The following FAM193A variants were observed in gnomAD, a reference collection of about 807,000 sequenced individuals.
FAM193A encodes protein FAM193A.
A neutral mutation model predicts 126.5 loss-of-function variants in FAM193A; 22 were observed. That is an observed-to-expected ratio of 0.17 (90% CI 0.12 to 0.25). FAM193A has a LOEUF of 0.25. FAM193A is among the 10% of genes least tolerant of loss of function. The pLI, the probability that FAM193A is intolerant of heterozygous loss-of-function variation, is 1.00. For missense variants in FAM193A, 1,675 were observed against 1,672.8 expected (o/e 1.00, Z -0.02); for synonymous variants, 761 against 646.8 (o/e 1.18, Z -2.68).
chr4:2,641,460 C>T (rs1208650384), intron 6 of FAM193A, among the ~76,000 whole-genome samples: 1 of 151,762 alleles, frequency 6.6e-6, no homozygotes, highest in Non-Finnish European at 1.5e-5. Flanking sequence ...TCAAGACCAT[C>T]CTGGCTAACA....
chr4:2,553,948 A>G (rs188398695), intron 1 of FAM193A, among the ~76,000 whole-genome samples: 2 of 152,080 alleles, frequency 1.3e-5, no homozygotes, highest in Admixed American at 6.5e-5. Context: ...TTTGCCTTCC[A>G]CCGTGATTGT....
intron 13 of FAM193A, among the ~76,000 whole-genome samples, chr4:2,684,114 A>T (rs1715458176): frequency 6.6e-6 from 1 of 152,150 alleles, no homozygotes. Flanking sequence ...TTCCTGTATG[A>T]TAATTGCCAT....
chr4:2,575,549 C>G (rs148129736), intron 1 of FAM193A, among the ~76,000 whole-genome samples: 2 of 150,376 alleles, frequency 1.3e-5, no homozygotes, highest in South Asian at 2.1e-4. Flanking sequence ...TCGCTGCAAC[C>G]TCTGCTTCCC....
chr4:2,652,511 T>C (rs531325653), intron 7 of FAM193A, among the ~76,000 whole-genome samples: 4 of 152,042 alleles, frequency 2.6e-5, no homozygotes, highest in Admixed American at 6.6e-5. Context: ...CTTACAATCA[T>C]GGTGGAAGGT....
intron 12 of FAM193A, among the ~76,000 whole-genome samples, chr4:2,667,244 C>T (rs1462391911): frequency 6.6e-6 from 1 of 152,212 alleles, no homozygotes; most frequent in Admixed American, 6.5e-5. Flanking sequence ...CATGTAAGGA[C>T]AGTAACCCCA....
chr4:2,597,712 GTC>G (rs1228560153), intron 2 of FAM193A, among the ~76,000 whole-genome samples: 2 of 152,126 alleles, frequency 1.3e-5, no homozygotes, highest in Non-Finnish European at 2.9e-5. Flanking sequence ...TGCTTTGTAG[GTC>G]AGCCTCTTTG....
At chr4:2,630,479 C>G (rs1743450778) in intron 4 of FAM193A, among the ~76,000 whole-genome samples, 1 of 152,176 alleles carries the variant, frequency 6.6e-6, no homozygotes, top group South Asian at 2.1e-4. Flanking sequence ...GGGATCAGTG[C>G]TTTTTACTTG....
chr4:2,602,759 C>G (rs1230912437), intron 2 of FAM193A, among the ~76,000 whole-genome samples: 1 of 151,544 alleles, frequency 6.6e-6, no homozygotes, highest in African/African-American at 2.4e-5. Context: ...CTCCCGGGTT[C>G]ACACCATTCT....
Position 2,700,253 on chromosome 4 carries a change from A to G in FAM193A, c.4081A>G (p.Thr1361Ala). Reference sequence around the variant, plus strand: ...GAGGCCCACAGAGCCCCCCAAGGCCACAGAGGGGCAGTCCAAGCCCCGGGC... The same window carrying G: ...GAGGCCCACAGAGCCCCCCAAGGCCGCAGAGGGGCAGTCCAAGCCCCGGGC... ...ARRPTEPPKA[T>A]EGQSKPRAQT... Residue 1361 changes from threonine (T) to alanine (A), a missense_variant, in exon 19 of 21, where the codon ACA becomes GCA. By Grantham distance (58) the Thr-to-Ala change is moderately conservative. Coordinates refer to ENST00000637812, the MANE Select transcript of FAM193A (RefSeq NM_001366318.2). The G allele has an allele frequency of 6.2e-7, 1 of 1,614,084 alleles. No homozygotes were observed. Among genetic ancestry groups the G allele is most frequent in the African/African-American group, 1.3e-5 (1 of 75,050 alleles).
Position 2,690,882 on chromosome 4 carries a change from A to G in FAM193A, c.2715A>G (p.Ser905=), listed in dbSNP as rs893375516. The G allele has an allele frequency of 3.1e-6, 5 of 1,614,186 alleles. No individual in the cohort carries two copies. The highest frequency in any genetic ancestry group is 4.2e-6 in the Non-Finnish European group (5 of 1,179,994). ...ATAAAGTTGTCATGGCCACGTCATCAGCCACGTCCTCTGTGTCCTGCACAG... is the reference window on the plus strand; with the variant it reads ...ATAAAGTTGTCATGGCCACGTCATCGGCCACGTCCTCTGTGTCCTGCACAG... The part of the protein sequence containing the change: ...EANKVVMATS[S]ATSSVSCTAT... Residue 905 remains serine (S), a synonymous_variant, in exon 15 of 21, where the codon TCA becomes TCG. Transcript: ENST00000637812.
intron 2 of FAM193A, among the ~76,000 whole-genome samples, chr4:2,623,050 C>A (rs1742650066): frequency 1.3e-5 from 2 of 152,094 alleles, no homozygotes; most frequent in African/African-American, 2.4e-5. Context: ...ACTCTGCCCC[C>A]CTTCCCTCAT....
chr4:2,701,245 C>T (rs147405846), intron 19 of FAM193A, among the ~76,000 whole-genome samples: 35 of 150,470 alleles, frequency 2.3e-4, no homozygotes, highest in African/African-American at 8.6e-4. Flanking sequence ...GTAGACCTTA[C>T]TCATGTTTCT....
At chr4:2,701,004 A>G (rs868083639) in intron 19 of FAM193A, among the ~76,000 whole-genome samples, 20 of 152,092 alleles carry the variant, frequency 1.3e-4, no homozygotes, top group African/African-American at 4.6e-4. Flanking sequence ...TACCCCCTCC[A>G]GTTCCCCAAC....
intron 12 of FAM193A, among the ~76,000 whole-genome samples, chr4:2,668,195 C>T (rs1343576788): frequency 1.3e-5 from 2 of 151,734 alleles, no homozygotes; most frequent in East Asian, 3.9e-4. Context: ...AACCAGTGTA[C>T]CCAGCCACAA....
chr4:2,638,506 C>T (rs1486725151), intron 5 of FAM193A, among the ~76,000 whole-genome samples: 1 of 152,108 alleles, frequency 6.6e-6, no homozygotes, highest in Non-Finnish European at 1.5e-5. Flanking sequence ...CTGGGAGGCA[C>T]TGGTGAAAAC....
At chr4:2,624,437 C>T (rs957316038) in intron 2 of FAM193A, among the ~76,000 whole-genome samples, 1 of 152,212 alleles carries the variant, frequency 6.6e-6, no homozygotes, top group Admixed American at 6.5e-5. Context: ...AGCCACTGCC[C>T]CCGGCCAAGT....
intron 19 of FAM193A, among the ~76,000 whole-genome samples, chr4:2,706,399 C>T (rs985954391): frequency 6.8e-6 from 1 of 146,036 alleles, no homozygotes; most frequent in African/African-American, 2.5e-5. Flanking sequence ...TGGGTTCAAG[C>T]GATTCTCCTG....
rs755288455 is a variant in FAM193A, at chr4:2,663,248, G to T, written c.2039G>T (p.Ser680Ile). 1 of 1,612,618 alleles carries T rather than the reference G, an allele frequency of 6.2e-7. No homozygotes were observed. Among genetic ancestry groups the T allele is most frequent in the Admixed American group, 1.7e-5 (1 of 59,682 alleles). ...AGCAGGAGCCCCAGGACAGAGGAGA[G>T]CAAAGCAGACAGTCCACCCCCATCC... ...LGSRSPRTEE[S>I]KADSPPPSYP... The change falls in exon 12 of 21, where the codon AGC (serine) becomes ATC (isoleucine). Residue 680 changes from serine to isoleucine, a missense_variant. Transcript: ENST00000637812.
intron 1 of FAM193A, among the ~76,000 whole-genome samples, chr4:2,582,882 T>C (rs1372483718): frequency 1.3e-5 from 2 of 152,220 alleles, no homozygotes; most frequent in Non-Finnish European, 2.9e-5. Context: ...TGTATTCTGC[T>C]GTTGGCTGTT....
Sources: allele counts gnomAD v4.1 joint callset (sites outside exome capture counted in the v4.1 genomes callset), GRCh38; gene constraint gnomAD v4.1.1; transcripts MANE v1.5; gene names NCBI Gene and HGNC (gene_info 2026-07-23, HGNC 2026-07-21).